The following TMEM163 variants were observed in gnomAD, a reference collection of about 807,000 sequenced individuals.
TMEM163 encodes the protein transmembrane protein 163.
TMEM163 carries 17 observed loss-of-function variants against 29.3 expected under a neutral mutation model. That is an observed-to-expected ratio of 0.58 (90% CI 0.40 to 0.87). The LOEUF is 0.87. Among genes scored for constraint, TMEM163 ranks in the 40% least tolerant of loss-of-function variants. TMEM163 has a pLI of 0.00. For missense variants in TMEM163, 303 were observed against 381.5 expected (o/e 0.79, Z 1.71); for synonymous variants, 157 against 160.6 (o/e 0.98, Z 0.17).
chr2:134,621,798 G>A (rs900244823), intron 2 of TMEM163, among the ~76,000 whole-genome samples: 14 of 152,236 alleles, frequency 9.2e-5, no homozygotes, highest in African/African-American at 3.1e-4. Context: ...GGCTGAGGCA[G>A]GAGAATGGTG....
At chr2:134,686,638 CA>C (rs1684357949) in intron 2 of TMEM163, among the ~76,000 whole-genome samples, 2 of 152,044 alleles carry the variant, frequency 1.3e-5, no homozygotes, top group South Asian at 2.1e-4. Context: ...AATTTTTATG[CA>C]GTAAAAATTA....
At chr2:134,646,398 TA>T (rs1683339189) in intron 2 of TMEM163, among the ~76,000 whole-genome samples, 1 of 151,922 alleles carries the variant, frequency 6.6e-6, no homozygotes, top group South Asian at 2.1e-4. Flanking sequence ...ATGGCTTTTT[TA>T]GTTGTTGGTT....
intron 2 of TMEM163, among the ~76,000 whole-genome samples, chr2:134,556,068 G>A (rs934344138): frequency 1.3e-5 from 2 of 152,212 alleles, no homozygotes; most frequent in South Asian, 4.1e-4. Flanking sequence ...ATAGGAGGCT[G>A]AATACAGGAG....
intron 5 of TMEM163, among the ~76,000 whole-genome samples, chr2:134,489,630 C>T (rs1476201024): frequency 6.6e-6 from 1 of 151,762 alleles, no homozygotes; most frequent in African/African-American, 2.4e-5. Context: ...CATGGAATAA[C>T]CCACAACAAT....
chr2:134,506,283 G>A (rs1017096650), intron 4 of TMEM163, among the ~76,000 whole-genome samples: 2 of 152,164 alleles, frequency 1.3e-5, no homozygotes, highest in African/African-American at 4.8e-5. Context: ...ACTGCTGGGA[G>A]CCTGTATGTC....
At chr2:134,635,932 C>T (rs551635291) in intron 2 of TMEM163, among the ~76,000 whole-genome samples, 1 of 152,310 alleles carries the variant, frequency 6.6e-6, no homozygotes, top group African/African-American at 2.4e-5. Context: ...GGGGAGACAA[C>T]AGAATGGTCC....
chr2:134,498,835 A>G (rs1679638372), intron 5 of TMEM163, among the ~76,000 whole-genome samples: 1 of 152,228 alleles, frequency 6.6e-6, no homozygotes. Flanking sequence ...GGGAGAAGAC[A>G]GACAGGAGGC....
chr2:134,458,045 C>T lies in TMEM163; in HGVS notation c.796G>A (p.Ala266Thr), dbSNP rs1558908578. The T allele has an allele frequency of 6.2e-7, 1 of 1,614,042 alleles. No homozygotes were observed. The highest frequency in any genetic ancestry group is 8.5e-7 in the Non-Finnish European group (1 of 1,180,046). ...IGVLIGLTIF[A>T]YGVKLLIDMV... is the part of the protein sequence containing the mutation. ...ACAAGAACCTACTTGACCCCATAGG[C>T]AAATATGGTGAGGCCGATCAGAACG... is the stretch of plus-strand genomic sequence containing the variant. The change falls in exon 7 of 8, where the codon GCC becomes ACC. Residue 266 changes from alanine to threonine, a missense_variant. Ala to Thr is a moderately conservative substitution (Grantham distance 58). Coordinates refer to ENST00000281924, the MANE Select transcript of TMEM163 (RefSeq NM_030923.5).
chr2:134,552,089 C>T lies in TMEM163; in HGVS notation c.325G>A (p.Val109Ile), dbSNP rs756941059. 6.2e-7 allele frequency: 1 copy of T among 1,611,848 alleles called. No individual in the cohort carries two copies. The change falls in exon 3 of 8, where the codon GTC becomes ATC. Residue 109 changes from valine (V) to isoleucine (I), a missense_variant and splice_region_variant. Physicochemically the swap from Val to Ile is conservative, Grantham distance 29. Around this residue, in one of 2 missense-constraint regions of TMEM163, gnomAD observed 203 missense variants for 294.3 expected, o/e 0.69. Coordinates refer to ENST00000281924, the MANE Select transcript of TMEM163 (RefSeq NM_030923.5). The part of the protein sequence containing the change: ...TLALAVAAFT[V>I]SVMRYSASAF... The stretch of plus-strand genomic sequence containing the variant: ...GAGGCGCTGTACCTCATAACGGAGA[C>T]AGCTAAAAAGAAAGAAAATATTATT...
rs554844565 is a variant in TMEM163, at chr2:134,513,269, G to A, written c.459-10272C>T. 9.8e-5 allele frequency among the ~76,000 whole-genome samples: 15 copies of A among 152,338 alleles called. No homozygotes were observed. In the South Asian group the frequency reaches 2.7e-3, roughly 27 times the overall value. The stretch of plus-strand genomic sequence containing the variant: ...AAAGATCAGGAGTGCAGCTGTGGAC[G>A]CAGTAAGTGTGGGATGTGTGTGTTA... On this transcript the variant is annotated intron_variant, in intron 4 of 7. Transcript: ENST00000281924.
chr2:134,541,652 T>C (rs1348820932), intron 4 of TMEM163, among the ~76,000 whole-genome samples: 2 of 152,198 alleles, frequency 1.3e-5, no homozygotes, highest in Non-Finnish European at 2.9e-5. Context: ...CCTCTATTTA[T>C]CCATGGAAAG....
At chr2:134,689,752 T>A (rs1399414151) in intron 2 of TMEM163, among the ~76,000 whole-genome samples, 1 of 152,220 alleles carries the variant, frequency 6.6e-6, no homozygotes. Context: ...GACCAAATGT[T>A]ATGGCTTCCT....
chr2:134,493,362 C>CTTTTTTTTTTTTTT lies in TMEM163; in HGVS notation c.555+9525_555+9538dup, dbSNP rs1159013721. ...GACTTATGGTTCAAGCTTTTGGTGTCTTTTTTTTTTTTTTTTTTTTTTTTT... is the reference window on the plus strand; with the variant it reads ...GACTTATGGTTCAAGCTTTTGGTGTCTTTTTTTTTTTTTTTTTTTTTTTTTTTTTTTTTTTTTTT... On this transcript the variant is annotated intron_variant, in intron 5 of 7. Transcript: ENST00000281924. 3.4e-4 allele frequency among the ~76,000 whole-genome samples: 17 copies of CTTTTTTTTTTTTTT among 49,850 alleles called. 3 individuals carry two copies. Among genetic ancestry groups the CTTTTTTTTTTTTTT allele is most frequent in the African/African-American group, 8.9e-4 (10 of 11,232 alleles). The allele number at this position is 49,850 out of a possible 152,430, so 32.7% of individuals were successfully genotyped here. A position where few individuals can be genotyped will look rare whatever the true frequency, so the allele number is the denominator to read the frequency against.
intron 2 of TMEM163, among the ~76,000 whole-genome samples, chr2:134,680,774 C>A (rs776455002): frequency 1.3e-5 from 2 of 152,158 alleles, no homozygotes; most frequent in Non-Finnish European, 2.9e-5. Flanking sequence ...AAAGGCTGGA[C>A]TGTGGCACTG....
intron 4 of TMEM163, among the ~76,000 whole-genome samples, chr2:134,509,247 T>C (rs1242311784): frequency 1.3e-5 from 2 of 152,212 alleles, no homozygotes; most frequent in African/African-American, 4.8e-5. Context: ...TAATTTCTTT[T>C]AATTAAAAAC....
At chr2:134,581,136 C>T (rs1466543654) in intron 2 of TMEM163, among the ~76,000 whole-genome samples, 3 of 152,138 alleles carry the variant, frequency 2.0e-5, no homozygotes, top group Non-Finnish European at 2.9e-5. Context: ...ACACATGGGG[C>T]AAATCCGACG....
At chr2:134,634,477 C>T (rs1574297163) in intron 2 of TMEM163, among the ~76,000 whole-genome samples, 2 of 152,330 alleles carry the variant, frequency 1.3e-5, no homozygotes, top group East Asian at 1.9e-4. Context: ...CCACCCTCAC[C>T]CAGACTGGAG....
intron 2 of TMEM163, among the ~76,000 whole-genome samples, chr2:134,554,741 T>C (rs72984249): frequency 0.025 from 3,837 of 152,258 alleles, 89 homozygotes; most frequent in African/African-American, 0.059. Flanking sequence ...GAGTGTTGTG[T>C]CCATGATTTC....
At chr2:134,621,339 G>A (rs990897261) in intron 2 of TMEM163, among the ~76,000 whole-genome samples, 5 of 152,200 alleles carry the variant, frequency 3.3e-5, no homozygotes, top group African/African-American at 1.2e-4. Context: ...TTAGCACATG[G>A]TATGGAAAAA....
Sources: gnomAD v4.1 joint callset for allele counts (sites outside exome capture counted in the v4.1 genomes callset) on GRCh38, gnomAD v4.1.1 for gene constraint, gnomAD v4.1.1 regional missense constraint, MANE v1.5 for transcripts, NCBI Gene and HGNC (gene_info 2026-07-23, HGNC 2026-07-21) for gene names.